Variants in ZSCAN25 observed in about 807,000 individuals in gnomAD.
The protein encoded by ZSCAN25 is zinc finger and SCAN domain containing 25.
In ZSCAN25, 27 loss-of-function variants were observed where a neutral mutation model predicts 38.7. That is an observed-to-expected ratio of 0.70 (90% CI 0.51 to 0.96). The LOEUF (loss-of-function observed/expected upper bound fraction) is 0.96. ZSCAN25 is among the 40% of genes least tolerant of loss of function. ZSCAN25 has a pLI of 0.00. For synonymous variants in ZSCAN25, 273 were observed against 277.7 expected (o/e 0.98, Z 0.17); for missense variants, 637 against 705.9 (o/e 0.90, Z 1.11).
At chr7:99,660,624 T>G in the ZSCAN25 span, 1 of 1,613,878 alleles carries the variant, frequency 6.2e-7, no homozygotes, top group Non-Finnish European at 8.5e-7. Flanking sequence ...AAAATGAAGA[T>G]TATTGACTGG....
the ZSCAN25 span, chr7:99,660,214 CTTTTT>C: frequency 1.9e-3 from 812 of 428,904 alleles, no homozygotes; most frequent in Middle Eastern, 7.0e-3. Context: ...CGCCACACTC[CTTTTT>C]TTTTTTTTTT....
chr7:99,642,444 C>T, the ZSCAN25 span, among the ~76,000 whole-genome samples: 1 of 152,200 alleles, frequency 6.6e-6, no homozygotes, highest in African/African-American at 2.4e-5. Flanking sequence ...AACCATCAGT[C>T]AGGTGAGAAG....
chr7:99,642,810 A>G, the ZSCAN25 span, among the ~76,000 whole-genome samples: 6 of 152,108 alleles, frequency 3.9e-5, no homozygotes, highest in African/African-American at 1.4e-4. Flanking sequence ...TTTTTTGCTG[A>G]TATTTCCCCC....
chr7:99,619,932 G>T lies in ZSCAN25; in HGVS notation c.326G>T (p.Ser109Ile). 1 of 1,614,218 alleles carries T rather than the reference G, an allele frequency of 6.2e-7. No individual in the cohort carries two copies. The highest frequency in any genetic ancestry group is 8.5e-7 in the Non-Finnish European group (1 of 1,180,046). ...TGGATCCGGGAGCATGGCCCAGAGAGTGGCAAGGCCCTGGCCGCCATGGTG... is the reference window on the plus strand; with the variant it reads ...TGGATCCGGGAGCATGGCCCAGAGATTGGCAAGGCCCTGGCCGCCATGGTG... ...YAWIREHGPE[S>I]GKALAAMVED... The change falls in exon 4 of 8, where the codon AGT becomes ATT. Residue 109 changes from serine to isoleucine, a missense_variant. By Grantham distance (142) the Ser-to-Ile change is moderately radical (BLOSUM62 -2). Transcript: ENST00000394152.
At chr7:99,683,490 C>T in the ZSCAN25 span, among the ~76,000 whole-genome samples, 1 of 152,066 alleles carries the variant, frequency 6.6e-6, no homozygotes, top group Non-Finnish European at 1.5e-5. Context: ...CATAGGATTC[C>T]TGCTAGTTTT....
chr7:99,663,764 T>A, the ZSCAN25 span: 1 of 1,237,810 alleles, frequency 8.1e-7, no homozygotes, highest in Non-Finnish European at 1.0e-6. Flanking sequence ...TGTGCCTGAT[T>A]TCAAGTTTTA....
the ZSCAN25 span, among the ~76,000 whole-genome samples, chr7:99,706,066 T>C: frequency 3.9e-5 from 6 of 152,228 alleles, no homozygotes; most frequent in Non-Finnish European, 7.3e-5. Flanking sequence ...CAGTAATTCC[T>C]CTCAATTGAA....
rs1421889105 is a variant in ZSCAN25 at position 99,621,418 on chromosome 7, AG to A, written c.434del (p.Arg145LysfsTer66). 6.6e-7 allele frequency: 1 copy of A among 1,526,016 alleles called. No individual in the cohort carries two copies. The highest frequency in any genetic ancestry group is 1.4e-5 in the African/African-American group (1 of 72,328). 94.5% of individuals were successfully genotyped at this position (1,526,016 alleles called of 1,614,324 possible). ...AGAGCAGGAGGAAACAGCACTTTGC[AG>A]AGGCGCTTGGGAGCCAGGCATCCAG... ...QGEQEETALC[R>X]GAWEPGIQLG... is the part of the protein sequence containing the mutation. On this transcript the variant is annotated frameshift_variant, in exon 5 of 8. Transcript: ENST00000394152. LOFTEE classifies it high-confidence loss of function.
chr7:99,705,223 G>A, the ZSCAN25 span: 3 of 360,722 alleles, frequency 8.3e-6, no homozygotes, highest in Admixed American at 4.2e-5. Flanking sequence ...GGAGTTAATG[G>A]TGCTAACTGG....
the ZSCAN25 span, chr7:99,658,955 G>A: frequency 6.6e-6 from 1 of 152,274 alleles, no homozygotes; most frequent in Non-Finnish European, 1.5e-5. Context: ...GGACTTCTCT[G>A]CATTGATTAT....
downstream of ZSCAN25, among the ~76,000 whole-genome samples, chr7:99,632,989 G>GTTGTTTTTTTTTTTTTTTTTTT (rs1554412109): frequency 1.3e-4 from 17 of 128,522 alleles, no homozygotes; most frequent in African/African-American, 4.8e-4. Context: ...ATTTTCTGTT[G>GTTGTTTTTTTTTTTTTTTTTTT]TTTTTTTTTT....
At chr7:99,650,228 T>A in the ZSCAN25 span, 1 of 1,613,444 alleles carries the variant, frequency 6.2e-7, no homozygotes, top group Non-Finnish European at 8.5e-7. Context: ...TTCTTCTTAC[T>A]GAACCTAGTT....
the ZSCAN25 span, chr7:99,715,476 A>G: frequency 2.4e-6 from 1 of 423,470 alleles, no homozygotes. Flanking sequence ...ATTTCTATGA[A>G]GTGTCCAGAA....
chr7:99,715,449 C>A, the ZSCAN25 span: 23 of 337,608 alleles, frequency 6.8e-5, no homozygotes, highest in East Asian at 2.1e-4. Context: ...TTAAAAAAAC[C>A]CTGAAAAATT....
the ZSCAN25 span, among the ~76,000 whole-genome samples, chr7:99,661,061 A>G: frequency 6.6e-6 from 1 of 152,210 alleles, no homozygotes; most frequent in Admixed American, 6.5e-5. Flanking sequence ...TCTACAATAG[A>G]GCTTGACAGA....
Position 99,619,942 on chromosome 7 carries a change from C to T in ZSCAN25, c.336C>T (p.Ala112=), listed in dbSNP as rs530911657. 1.2e-6 allele frequency: 2 copies of T among 1,614,172 alleles called. No individual in the cohort carries two copies. Among genetic ancestry groups the T allele is most frequent in the Admixed American group, 3.3e-5 (2 of 60,032 alleles). Residue 112 remains alanine (A), a synonymous_variant, in exon 4 of 8, where the codon GCC becomes GCT. Transcript: ENST00000394152. ...AGCATGGCCCAGAGAGTGGCAAGGC[C>T]CTGGCCGCCATGGTGGAGGACCTGA... ...IREHGPESGK[A]LAAMVEDLTE...
the ZSCAN25 span, among the ~76,000 whole-genome samples, chr7:99,737,162 C>G: frequency 6.6e-6 from 1 of 152,122 alleles, no homozygotes; most frequent in African/African-American, 2.4e-5. Context: ...GCTACTATCC[C>G]CAGTTTACAG....
chr7:99,704,804 A>T, the ZSCAN25 span, among the ~76,000 whole-genome samples: 1 of 152,054 alleles, frequency 6.6e-6, no homozygotes. Flanking sequence ...TGTACTAAAA[A>T]TAGAAAAATT....
the ZSCAN25 span, among the ~76,000 whole-genome samples, chr7:99,673,602 T>A: frequency 6.6e-6 from 1 of 152,174 alleles, no homozygotes; most frequent in Admixed American, 6.5e-5. Context: ...AAGTGGAGCA[T>A]AAGTGGTTTC....
Sources: gnomAD v4.1 joint callset for allele counts (sites outside exome capture counted in the v4.1 genomes callset) on GRCh38, gnomAD v4.1.1 for gene constraint, MANE v1.5 for transcripts, NCBI Gene and HGNC (gene_info 2026-07-23, HGNC 2026-07-21) for gene names.